The following KCMF1 variants were observed in gnomAD, a reference collection of about 807,000 sequenced individuals.
KCMF1 encodes the protein E3 ubiquitin-protein ligase KCMF1.
In KCMF1, 3 loss-of-function variants were observed where a neutral mutation model predicts 41.1. The observed-to-expected ratio is 0.07, with a 90% CI of 0.03 to 0.19. The LOEUF (loss-of-function observed/expected upper bound fraction) is 0.19, where lower values mean the gene tolerates loss of function less well. Among genes scored for constraint, KCMF1 ranks in the 10% least tolerant of loss-of-function variants. The probability of loss-of-function intolerance (pLI) is 1.00; values close to 1 mark genes in which losing one functional copy is unlikely to be tolerated. For synonymous variants in KCMF1, 142 were observed against 164.5 expected (o/e 0.86, Z 1.04); for missense variants, 286 against 488.9 (o/e 0.58, Z 3.91).
chr2:85,051,950 C>G (rs1393174505), intron 6 of KCMF1, among the ~76,000 whole-genome samples: 14 of 152,186 alleles, frequency 9.2e-5, no homozygotes, highest in Admixed American at 9.2e-4. Flanking sequence ...TATTTTTGGT[C>G]TTTTCTTTGA....
chr2:85,046,354 G>A (rs1233928334), intron 5 of KCMF1, 76 bp downstream of exon 5: 1 of 1,169,916 alleles, frequency 8.5e-7, no homozygotes, highest in Non-Finnish European at 1.2e-6. Flanking sequence ...GTGATGCCAG[G>A]TGCGGTGGCT....
intron 1 of KCMF1, among the ~76,000 whole-genome samples, chr2:84,976,033 C>G (rs773294812): frequency 6.6e-5 from 10 of 152,156 alleles, no homozygotes; most frequent in Admixed American, 2.0e-4. Context: ...TTAAGTCTGG[C>G]AAGGAAGATG....
chr2:84,977,706 C>T (rs1455941790), intron 1 of KCMF1, among the ~76,000 whole-genome samples: 1 of 151,934 alleles, frequency 6.6e-6, no homozygotes, highest in Non-Finnish European at 1.5e-5. Flanking sequence ...TAGGTGTGAG[C>T]TGCCATGCCC....
intron 1 of KCMF1, among the ~76,000 whole-genome samples, chr2:84,996,660 T>C (rs1389969446): frequency 1.3e-5 from 2 of 152,084 alleles, no homozygotes; most frequent in African/African-American, 4.8e-5. Context: ...CGTCTCAAAC[T>C]CCTGACCTCA....
Position 85,057,907 on chromosome 2 carries a change from A to G in KCMF1, c.*4498A>G, listed in dbSNP as rs1574048919. 6.6e-6 allele frequency: 1 copy of G among 152,254 alleles called. No individual in the cohort carries two copies. The highest frequency in any genetic ancestry group is 2.4e-5 in the African/African-American group (1 of 41,468). The allele number at this position is 152,254 out of a possible 1,614,324, so 9.4% of individuals were successfully genotyped here. On this transcript the variant is annotated 3_prime_UTR_variant, in exon 7 of 7. Transcript: ENST00000409785. Reference sequence around the variant, plus strand: ...TATTAGGTGGGTAATGCCTAATAACATGGGTTCCTCAAATCACAAAGGAGA... The same window carrying G: ...TATTAGGTGGGTAATGCCTAATAACGTGGGTTCCTCAAATCACAAAGGAGA...
intron 3 of KCMF1, among the ~76,000 whole-genome samples, chr2:85,041,854 T>C (rs1293843259): frequency 6.6e-6 from 1 of 151,706 alleles, no homozygotes; most frequent in African/African-American, 2.4e-5. Flanking sequence ...TCAAAGAGTT[T>C]ACAGTTTAGC....
chr2:85,050,114 C>T (rs921631498), intron 6 of KCMF1, among the ~76,000 whole-genome samples: 1 of 152,192 alleles, frequency 6.6e-6, no homozygotes. Flanking sequence ...GCACCATGCA[C>T]TCCAGCCTGG....
chr2:84,980,765 C>G (rs1574003625), intron 1 of KCMF1, among the ~76,000 whole-genome samples: 1 of 152,108 alleles, frequency 6.6e-6, no homozygotes, highest in African/African-American at 2.4e-5. Context: ...CGCAGCCTCC[C>G]AAGTAGCTGG....
At chr2:85,032,307 G>C (rs1002513698) in intron 2 of KCMF1, among the ~76,000 whole-genome samples, 4 of 152,048 alleles carry the variant, frequency 2.6e-5, no homozygotes. Context: ...AAGTAGCTGA[G>C]ATCACAGGCA....
chr2:85,047,935 G>A (rs115477234), intron 5 of KCMF1, among the ~76,000 whole-genome samples: 1 of 152,134 alleles, frequency 6.6e-6, no homozygotes, highest in Non-Finnish European at 1.5e-5. Flanking sequence ...GAACACAAAG[G>A]AGGAGACAGC....
Position 84,971,327 on chromosome 2 carries a change from G to A in KCMF1, c.-125G>A. The A allele has an allele frequency of 3.3e-6, 1 of 299,076 alleles. No homozygotes were observed. Among genetic ancestry groups the A allele is most frequent in the Non-Finnish European group, 4.9e-6 (1 of 202,198 alleles). The allele number at this position is 299,076 out of a possible 1,614,324, so 18.5% of individuals were successfully genotyped here. On this transcript the variant is annotated 5_prime_UTR_variant, in exon 1 of 7. Coordinates refer to ENST00000409785, the MANE Select transcript of KCMF1 (RefSeq NM_020122.5). ...GCGGGAGCGCTCCCCTGCCCACCCC[G>A]CCCCCGCGGCCGAGCCCGGGAGTCG...
At chr2:85,025,780 T>A (rs1675087653) in intron 1 of KCMF1, among the ~76,000 whole-genome samples, 1 of 152,046 alleles carries the variant, frequency 6.6e-6, no homozygotes, top group Non-Finnish European at 1.5e-5. Context: ...CACTAATTTT[T>A]TTGTAATAAA....
chr2:84,998,914 TTACCTATCTATCTATCTATCTATC>T (rs1274713465), intron 1 of KCMF1, among the ~76,000 whole-genome samples: 7 of 145,316 alleles, frequency 4.8e-5, no homozygotes, highest in African/African-American at 1.8e-4. Context: ...GCTGGGCCTC[TTACCTATCTATCTATCTATCTATC>T]TATCTATCTA....
intron 6 of KCMF1, among the ~76,000 whole-genome samples, chr2:85,050,405 A>G (rs138691635): frequency 1.5e-3 from 231 of 152,266 alleles, no homozygotes; most frequent in African/African-American, 5.4e-3. Flanking sequence ...TTAAATTTTT[A>G]TGGTTGGCAC....
intron 1 of KCMF1, among the ~76,000 whole-genome samples, chr2:84,999,269 G>T (rs943594664): frequency 6.6e-5 from 10 of 152,020 alleles, no homozygotes; most frequent in African/African-American, 2.4e-4. Context: ...TTCTGCCTCA[G>T]CCTCCCAAGT....
chr2:84,998,088 C>CTTAT (rs1185218230), intron 1 of KCMF1, among the ~76,000 whole-genome samples: 3 of 150,910 alleles, frequency 2.0e-5, no homozygotes, highest in Non-Finnish European at 4.4e-5. Context: ...GTACATTTTA[C>CTTAT]TTATTTATTT....
In KCMF1 at chr2:84,992,807, A is replaced by G. The variant is rs554216756; in HGVS notation, c.16+21340A>G. 5.3e-4 allele frequency among the ~76,000 whole-genome samples: 80 copies of G among 151,972 alleles called. 1 individual carries two copies. The highest frequency in any genetic ancestry group is 1.4e-3 in the Admixed American group (22 of 15,260). The stretch of plus-strand genomic sequence containing the variant: ...ACCATGCCTGGCTGATTTTTTGTAG[A>G]GACGGGGTTTCACCGTGTTAGCCAG... On this transcript the variant is annotated intron_variant, in intron 1 of 6. Transcript: ENST00000409785.
chr2:85,022,568 GCTTT>G (rs1440424918), intron 1 of KCMF1, among the ~76,000 whole-genome samples: 1 of 152,096 alleles, frequency 6.6e-6, no homozygotes, highest in Non-Finnish European at 1.5e-5. Flanking sequence ...TTCCAGCTTT[GCTTT>G]CTGTTTTTTT....
chr2:85,008,305 AATATGATAT>A (rs1674536903), intron 1 of KCMF1, among the ~76,000 whole-genome samples: 1 of 9,034 alleles, frequency 1.1e-4, no homozygotes, highest in Non-Finnish European at 3.2e-4. Flanking sequence ...TATAATATAT[AATATGATAT>A]ATATATCATA....
Sources: gnomAD v4.1 joint callset for allele counts (sites outside exome capture counted in the v4.1 genomes callset) on GRCh38, gnomAD v4.1.1 for gene constraint, MANE v1.5 for transcripts, NCBI Gene and HGNC (gene_info 2026-07-23, HGNC 2026-07-21) for gene names.